HOPX: variants seen among roughly 807,000 people sequenced by gnomAD.
HOPX encodes homeodomain-only protein.
In HOPX, 5 loss-of-function variants were observed where a neutral mutation model predicts 11.8. The ratio of observed to expected loss-of-function variants is 0.43; its 90% confidence interval spans 0.22 to 0.89. The LOEUF is 0.89. HOPX is among the 40% of genes least tolerant of loss of function. The pLI is 0.28. For missense variants in HOPX, 119 were observed against 120.0 expected (o/e 0.99, Z 0.04); for synonymous variants, 49 against 49.7 (o/e 0.99, Z 0.06).
chr4:56,666,047 A>G (rs1718418955), intron 1 of HOPX, among the ~76,000 whole-genome samples: 1 of 152,178 alleles, frequency 6.6e-6, no homozygotes, highest in Admixed American at 6.5e-5. Context: ...GGTTGGGGCC[A>G]GTCTGAGTAC....
intron 1 of HOPX, chr4:56,676,546 T>G (rs193197542): frequency 5.3e-5 from 8 of 151,604 alleles, no homozygotes; most frequent in Admixed American, 3.3e-4. Flanking sequence ...CTTTTCTTTT[T>G]TTTTTTATTT....
chr4:56,672,552 GAAAA>G (rs1381623615), intron 1 of HOPX: 1 of 150,012 alleles, frequency 6.7e-6, no homozygotes, highest in Admixed American at 6.7e-5. Flanking sequence ...AAAAAAAAAA[GAAAA>G]GAAAGAAAGA....
chr4:56,656,071 G>A (rs1468948935), intron 2 of HOPX, 59 bp from the exon 3 acceptor site: 12 of 1,413,332 alleles, frequency 8.5e-6, no homozygotes, highest in South Asian at 7.4e-5. Flanking sequence ...GGGACGCAGC[G>A]AAGGAAGGCG....
chr4:56,673,571 C>G (rs576190707), intron 1 of HOPX, among the ~76,000 whole-genome samples: 1 of 152,012 alleles, frequency 6.6e-6, no homozygotes, highest in South Asian at 2.1e-4. Context: ...GGATTTTTTC[C>G]TCAAAAGCCA....
At position 56,677,460 on chromosome 4, in the gene HOPX, A is replaced by G. The variant is rs768538632; in HGVS notation, c.-84+3795T>C. 2.6e-5 allele frequency among the ~76,000 whole-genome samples: 4 copies of G among 151,872 alleles called. No homozygotes were observed. In the East Asian group the frequency reaches 7.7e-4, roughly 29 times the overall value. On this transcript the variant is annotated intron_variant, in intron 1 of 3. Coordinates refer to ENST00000420433, the MANE Select transcript of HOPX (RefSeq NM_032495.6). ...ATTTCAAGGAACTCCTAGATATGTT[A>G]TCTTGCTGGAACCTACTTACTATAC...
chr4:56,680,948 A>G, intron 1 of HOPX: 1 of 837,592 alleles, frequency 1.2e-6, no homozygotes, highest in Non-Finnish European at 1.4e-6. Context: ...GCTGGTTTCA[A>G]AGTTATCTTT....
chr4:56,669,283 G>A (rs1718602227), intron 1 of HOPX, among the ~76,000 whole-genome samples: 1 of 143,666 alleles, frequency 7.0e-6, no homozygotes, highest in African/African-American at 2.8e-5. Flanking sequence ...GGACAACGGA[G>A]GAACCCATGA....
intron 1 of HOPX, among the ~76,000 whole-genome samples, chr4:56,660,851 G>A (rs28584400): frequency 0.033 from 5,068 of 152,214 alleles, 133 homozygotes; most frequent in South Asian, 0.11. Flanking sequence ...CCAAGACTAT[G>A]GAAGCTACCT....
At chr4:56,658,918 C>CT (rs981258697) in intron 1 of HOPX, among the ~76,000 whole-genome samples, 25 of 152,216 alleles carry the variant, frequency 1.6e-4, no homozygotes, top group South Asian at 4.1e-4. Context: ...AATCTGCTGG[C>CT]TTTTTTCTAA....
intron 3 of HOPX, chr4:56,650,621 C>T: frequency 6.5e-7 from 1 of 1,527,922 alleles, no homozygotes; most frequent in Non-Finnish European, 8.9e-7. Flanking sequence ...TACACCTCAC[C>T]CACCTGTACA....
chr4:56,656,742 C>T (rs977157861), intron 2 of HOPX, among the ~76,000 whole-genome samples: 1 of 152,214 alleles, frequency 6.6e-6, no homozygotes, highest in Non-Finnish European at 1.5e-5. Flanking sequence ...TGTGGGCTTG[C>T]ATGTGCCACT....
chr4:56,666,240 A>G (rs1161939430), intron 1 of HOPX, among the ~76,000 whole-genome samples: 1 of 152,250 alleles, frequency 6.6e-6, no homozygotes. Context: ...TGTGAGTAAT[A>G]TAGAATACAA....
chr4:56,660,812 C>G (rs1299682493), intron 1 of HOPX, among the ~76,000 whole-genome samples: 1 of 152,092 alleles, frequency 6.6e-6, no homozygotes, highest in Admixed American at 6.5e-5. Flanking sequence ...CACTGGTGAA[C>G]CCCGCTCAAT....
Position 56,648,650 on chromosome 4 carries a change from G to T in HOPX, c.*70C>A. The T allele has an allele frequency of 1.7e-6, 2 of 1,155,038 alleles. No homozygotes were observed. Among genetic ancestry groups the T allele is most frequent in the South Asian group, 1.4e-5 (1 of 74,060 alleles). 71.5% of individuals were successfully genotyped at this position (1,155,038 alleles called of 1,614,324 possible). ...AACACTATGCTGAAAAACCACAACA[G>T]CTTGGTTAAGCGGAGGAGAGAAACA... On this transcript the variant is annotated 3_prime_UTR_variant, in exon 4 of 4. Transcript: ENST00000420433.
At chr4:56,655,724 A>T in intron 3 of HOPX, 133 bp downstream of exon 3, 2 of 1,062,590 alleles carry the variant, frequency 1.9e-6, no homozygotes, top group Non-Finnish European at 2.7e-6. Context: ...GGCCCCTGGG[A>T]TGCGGGCAGA....
chr4:56,660,422 G>A (rs1486340962), intron 1 of HOPX, among the ~76,000 whole-genome samples: 1 of 152,022 alleles, frequency 6.6e-6, no homozygotes, highest in Non-Finnish European at 1.5e-5. Flanking sequence ...AAAAACTGGA[G>A]AGAAATACCA....
intron 1 of HOPX, among the ~76,000 whole-genome samples, chr4:56,674,559 G>C (rs1578362332): frequency 6.6e-6 from 1 of 151,598 alleles, no homozygotes; most frequent in African/African-American, 2.4e-5. Flanking sequence ...TACACTAAGA[G>C]ATTAGAACTG....
chr4:56,660,964 A>AT (rs1211744377), intron 1 of HOPX, among the ~76,000 whole-genome samples: 2 of 151,936 alleles, frequency 1.3e-5, no homozygotes, highest in African/African-American at 2.4e-5. Flanking sequence ...TTTTATTTCA[A>AT]TTTTTTAGAG....
intron 1 of HOPX, among the ~76,000 whole-genome samples, chr4:56,668,582 G>C (rs968772355): frequency 6.6e-6 from 1 of 152,096 alleles, no homozygotes; most frequent in Non-Finnish European, 1.5e-5. Flanking sequence ...GGGCCTTGCC[G>C]TGTTGCCCAG....
Sources: gnomAD v4.1 joint callset for allele counts (sites outside exome capture counted in the v4.1 genomes callset) on GRCh38, gnomAD v4.1.1 for gene constraint, MANE v1.5 for transcripts, NCBI Gene and HGNC (gene_info 2026-07-23, HGNC 2026-07-21) for gene names.